The following CDKN2B variants were observed in gnomAD, a reference collection of about 807,000 sequenced individuals.
The protein encoded by CDKN2B is cyclin-dependent kinase 4 inhibitor B.
A neutral mutation model predicts 7.7 loss-of-function variants in CDKN2B; 8 were observed. That is an observed-to-expected ratio of 1.04 (90% CI 0.61 to 1.87). CDKN2B has a LOEUF of 1.87. CDKN2B is among the 40% of genes most tolerant of loss of function. The pLI is 0.00. For synonymous variants in CDKN2B, 93 were observed against 95.8 expected (o/e 0.97, Z 0.17); for missense variants, 244 against 213.1 (o/e 1.15, Z -0.90).
chr9:22,007,331 C>A (rs3217978), intron 1 of CDKN2B, among the ~76,000 whole-genome samples: 1,864 of 151,348 alleles, frequency 0.012, 18 homozygotes, highest in Non-Finnish European at 0.019. Flanking sequence ...TGCACTCCAG[C>A]CTGTCCGACA....
At position 22,009,305 on chromosome 9, in the gene CDKN2B, T is replaced by C. The variant is rs1478690837; in HGVS notation, c.-352A>G. ...ACTGCCCCGCCTCGCTCTGGCAGAG[T>C]GGGGAGCCAGCCGGCAAAGAATTCC... On this transcript the variant is annotated 5_prime_UTR_variant, in exon 1 of 2. Transcript: ENST00000276925. The C allele has an allele frequency of 9.2e-6, 4 of 432,938 alleles. No individual in the cohort carries two copies. Among genetic ancestry groups the C allele is most frequent in the South Asian group, 5.6e-5 (2 of 35,842 alleles). The allele number at this position is 432,938 out of a possible 1,614,324, so 26.8% of individuals were successfully genotyped here.
At position 22,006,200 on chromosome 9, in the gene CDKN2B, G is replaced by A. The variant is rs748993568; in HGVS notation, c.204C>T (p.His68=). ...SARVAELLLL[H]GAEPNCADPA... ...GGTCTGCGCAGTTGGGCTCCGCGCC[G>A]TGGAGCAGCAGCAGCTCCGCCACGC... is the stretch of plus-strand genomic sequence containing the variant. The change falls in exon 2 of 2, where the codon CAC becomes CAT. Residue 68 remains histidine, a synonymous_variant. Coordinates refer to ENST00000276925, the MANE Select transcript of CDKN2B (RefSeq NM_004936.4). This position sits in a 1 kb window ranked among gnomAD's most constrained non-coding sequence, Gnocchi z 6.4. The A allele has an allele frequency of 4.4e-6, 7 of 1,608,596 alleles. No homozygotes were observed. Among genetic ancestry groups the A allele is most frequent in the Non-Finnish European group, 5.1e-6 (6 of 1,179,834 alleles).
chr9:22,007,524 A>G (rs1821252230), intron 1 of CDKN2B, among the ~76,000 whole-genome samples: 1 of 152,240 alleles, frequency 6.6e-6, no homozygotes, highest in South Asian at 2.1e-4. Context: ...AAAGTCAATT[A>G]TAAGACAATT....
At chr9:22,007,999 C>T (rs1282463079) in intron 1 of CDKN2B, among the ~76,000 whole-genome samples, 1 of 151,844 alleles carries the variant, frequency 6.6e-6, no homozygotes, top group Non-Finnish European at 1.5e-5. Context: ...TGACCACTAG[C>T]CAACGGTAAA....
At chr9:22,008,732 G>A in intron 1 of CDKN2B, 66 bp downstream of exon 1, 1 of 1,610,756 alleles carries the variant, frequency 6.2e-7, no homozygotes, top group Non-Finnish European at 8.5e-7. Context: ...TTCCAGCCCC[G>A]ATCCGCCGAG....
intron 1 of CDKN2B, 88 bp downstream of exon 1, chr9:22,008,710 C>T (rs1157846582): frequency 6.2e-7 from 1 of 1,611,538 alleles, no homozygotes; most frequent in South Asian, 1.1e-5. Flanking sequence ...AAATCTACAT[C>T]GGCGATCTAG....
chr9:22,004,867 CAG>C lies in CDKN2B; in HGVS notation c.*1118_*1119del, dbSNP rs1427458286. ...TGAGACACTCTATAAAGGAAACAAT[CAG>C]AAAAATTTAACAAAGAAATAAATAG... On this transcript the variant is annotated 3_prime_UTR_variant, in exon 2 of 2. Transcript: ENST00000276925. 4.7e-5 allele frequency: 11 copies of C among 233,076 alleles called. No homozygotes were observed. Among genetic ancestry groups the C allele is most frequent in the Non-Finnish European group, 9.3e-5 (11 of 118,024 alleles). The allele number at this position is 233,076 out of a possible 1,614,324, so 14.4% of individuals were successfully genotyped here. A position where few individuals can be genotyped will look rare whatever the true frequency, so the allele number is the denominator to read the frequency against.
At position 22,006,374 on chromosome 9, in the gene CDKN2B, G is replaced by C. The variant is rs1821190625; in HGVS notation, c.157-127C>G. ...CAAAGTTTTCACCCAGTGCAGAGGT[G>C]TTCAGGTCTCTGATGTCTGGTGTTT... On this transcript the variant is annotated intron_variant, in intron 1 of 1. Coordinates refer to ENST00000276925, the MANE Select transcript of CDKN2B (RefSeq NM_004936.4). This position sits in a 1 kb window ranked among gnomAD's most constrained non-coding sequence, Gnocchi z 6.4. 7.7e-7 allele frequency: 1 copy of C among 1,296,856 alleles called. No homozygotes were observed. Among genetic ancestry groups the C allele is most frequent in the African/African-American group, 1.5e-5 (1 of 68,250 alleles). The allele number at this position is 1,296,856 out of a possible 1,614,324, so 80.3% of individuals were successfully genotyped here. A position where few individuals can be genotyped will look rare whatever the true frequency, so the allele number is the denominator to read the frequency against.
intron 1 of CDKN2B, among the ~76,000 whole-genome samples, chr9:22,007,344 G>C (rs1296104433): frequency 7.0e-6 from 1 of 142,684 alleles, no homozygotes; most frequent in Non-Finnish European, 1.5e-5. Context: ...GTCCGACAGA[G>C]TGAGGCCTCA....
Position 22,006,168 on chromosome 9 carries a change from G to C in CDKN2B, c.236C>G (p.Thr79Ser). The C allele has an allele frequency of 6.2e-7, 1 of 1,610,786 alleles. No homozygotes were observed. The highest frequency in any genetic ancestry group is 8.5e-7 in the Non-Finnish European group (1 of 1,179,782). ...GAEPNCADPA[T>S]LTRPVHDAAR... The stretch of plus-strand genomic sequence containing the variant: ...AGCATCATGCACCGGTCGGGTGAGA[G>C]TGGCAGGGTCTGCGCAGTTGGGCTC... The change falls in exon 2 of 2, where the codon ACT becomes AGT. Residue 79 changes from threonine to serine, a missense_variant. Coordinates refer to ENST00000276925, the MANE Select transcript of CDKN2B (RefSeq NM_004936.4). This position sits in a 1 kb window ranked among gnomAD's most constrained non-coding sequence, Gnocchi z 6.4.
intron 1 of CDKN2B, 120 bp downstream of exon 1, chr9:22,008,678 C>T (rs771395123): frequency 1.9e-5 from 31 of 1,608,730 alleles, no homozygotes; most frequent in Middle Eastern, 3.3e-4. Flanking sequence ...TGCACACCTC[C>T]GGCCAACGGA....
At position 22,006,360 on chromosome 9, in the gene CDKN2B, C is replaced by T; in HGVS notation, c.157-113G>A. 1 of 1,435,040 alleles carries T rather than the reference C, an allele frequency of 7.0e-7. No homozygotes were observed. Among genetic ancestry groups the T allele is most frequent in the South Asian group, 1.2e-5 (1 of 82,312 alleles). 88.9% of individuals were successfully genotyped at this position (1,435,040 alleles called of 1,614,324 possible). On this transcript the variant is annotated intron_variant, in intron 1 of 1. Transcript: ENST00000276925. The surrounding 1 kb of genome is among the most constrained non-coding windows in gnomAD (Gnocchi z 6.4). The stretch of plus-strand genomic sequence containing the variant: ...GAAACACCTAATTGCAAAGTTTTCA[C>T]CCAGTGCAGAGGTGTTCAGGTCTCT...
At chr9:22,007,743 A>G (rs1321299158) in intron 1 of CDKN2B, among the ~76,000 whole-genome samples, 3 of 152,234 alleles carry the variant, frequency 2.0e-5, no homozygotes, top group African/African-American at 7.2e-5. Context: ...AGGGGAAAAT[A>G]GCTGCTGTTA....
At chr9:22,008,385 T>C (rs958880760) in intron 1 of CDKN2B, among the ~76,000 whole-genome samples, 2 of 152,232 alleles carry the variant, frequency 1.3e-5, no homozygotes, top group African/African-American at 2.4e-5. Flanking sequence ...GAAGTTTACA[T>C]TGATTTTTTC....
In CDKN2B at chr9:22,003,152, C is replaced by T. The variant is rs910814937; in HGVS notation, c.*2835G>A. 1 of 217,286 alleles carries T rather than the reference C, an allele frequency of 4.6e-6. No homozygotes were observed. The highest frequency in any genetic ancestry group is 9.2e-6 in the Non-Finnish European group (1 of 108,282). 13.5% of individuals were successfully genotyped at this position (217,286 alleles called of 1,614,324 possible). A position where few individuals can be genotyped will look rare whatever the true frequency, so the allele number is the denominator to read the frequency against. Reference sequence around the variant, plus strand: ...AGTATATATTAGGCTGCTGATGAAACAGCTAAACCTGTCTGCCAGGTGGCT... The same window carrying T: ...AGTATATATTAGGCTGCTGATGAAATAGCTAAACCTGTCTGCCAGGTGGCT... On this transcript the variant is annotated 3_prime_UTR_variant, in exon 2 of 2. Coordinates refer to ENST00000276925, the MANE Select transcript of CDKN2B (RefSeq NM_004936.4).
At position 22,009,255 on chromosome 9, in the gene CDKN2B, G is replaced by A; in HGVS notation, c.-302C>T. 3.7e-6 allele frequency: 2 copies of A among 537,328 alleles called. No homozygotes were observed. The highest frequency in any genetic ancestry group is 6.7e-6 in the Non-Finnish European group (2 of 299,128). 33.3% of individuals were successfully genotyped at this position (537,328 alleles called of 1,614,324 possible). On this transcript the variant is annotated 5_prime_UTR_variant, in exon 1 of 2. Transcript: ENST00000276925. Reference sequence around the variant, plus strand: ...GAGCTCAAAGCCGCTCTGGCCGCAGGGTGCGGACGCGTCGCGGAGTCCTCA... The same window carrying A: ...GAGCTCAAAGCCGCTCTGGCCGCAGAGTGCGGACGCGTCGCGGAGTCCTCA...
intron 1 of CDKN2B, among the ~76,000 whole-genome samples, chr9:22,007,278 C>T (rs1821235770): frequency 6.6e-6 from 1 of 152,134 alleles, no homozygotes; most frequent in Non-Finnish European, 1.5e-5. Flanking sequence ...AGGAGAATCG[C>T]TTGCATCCTG....
Position 22,008,970 on chromosome 9 carries a change from G to T in CDKN2B, c.-17C>A. 1.9e-6 allele frequency: 3 copies of T among 1,613,226 alleles called. No homozygotes were observed. Among genetic ancestry groups the T allele is most frequent in the Non-Finnish European group, 2.5e-6 (3 of 1,179,956 alleles). On this transcript the variant is annotated 5_prime_UTR_variant, in exon 1 of 2. Transcript: ENST00000276925. ...CTCGCGCATTCCGCAGCCCCCAGAC[G>T]CGCAGCGGCCCGGATAATCCACCGT...
Position 22,006,566 on chromosome 9 carries a change from T to A in CDKN2B, c.157-319A>T, listed in dbSNP as rs1480772850. ...CTTGATTTCCATTGGAACATGGGAA[T>A]CTATTTTGTTAAATGATTTAGGGGC... is the stretch of plus-strand genomic sequence containing the variant. On this transcript the variant is annotated intron_variant, in intron 1 of 1. Coordinates refer to ENST00000276925, the MANE Select transcript of CDKN2B (RefSeq NM_004936.4). This position sits in a 1 kb window ranked among gnomAD's most constrained non-coding sequence, Gnocchi z 6.4. Among the ~76,000 whole-genome samples the A allele has an allele frequency of 6.6e-6, 1 of 152,214 alleles. No individual in the cohort carries two copies. The highest frequency in any genetic ancestry group is 1.5e-5 in the Non-Finnish European group (1 of 68,030).
Sources: allele counts gnomAD v4.1 joint callset (sites outside exome capture counted in the v4.1 genomes callset), GRCh38; gene constraint gnomAD v4.1.1; non-coding constraint Gnocchi (gnomAD v3.1); transcripts MANE v1.5; gene names NCBI Gene and HGNC (gene_info 2026-07-23, HGNC 2026-07-21).